Variants in PCDHA2 observed in about 807,000 individuals in gnomAD.
PCDHA2 encodes the protein protocadherin alpha-2.
Under a neutral mutation model 66.0 loss-of-function variants are expected in PCDHA2, and 58 were observed. That is an observed-to-expected ratio of 0.88 (90% CI 0.71 to 1.09). The LOEUF (loss-of-function observed/expected upper bound fraction) is 1.09. Among genes scored for constraint, PCDHA2 ranks in the 50% least tolerant of loss-of-function variants. PCDHA2 has a pLI of 0.00. For missense variants in PCDHA2, 1,267 were observed against 1,242.3 expected (o/e 1.02, Z -0.30); for synonymous variants, 634 against 554.0 (o/e 1.14, Z -2.03).
At chr5:140,836,080 T>C (rs1470495662) in intron 1 of PCDHA2, 12 of 1,613,584 alleles carry the variant, frequency 7.4e-6, no homozygotes, top group African/African-American at 1.3e-5. Context: ...CCGGCACTGC[T>C]GGCGCCTCGG....
Position 140,843,193 on chromosome 5 carries a change from G to A in PCDHA2, c.2388+45841G>A, listed in dbSNP as rs2150355040. The A allele has an allele frequency of 5.0e-6, 8 of 1,595,932 alleles. 1 individual carries two copies. The highest frequency in any genetic ancestry group is 6.9e-6 in the Non-Finnish European group (8 of 1,165,582). On this transcript the variant is annotated intron_variant, in intron 1 of 3. Transcript: ENST00000526136. ...GCAGCCCTCGCATCCCGTTCCGCGTGGGGCTGTACACGGGCGAGATCAGCA... is the reference window on the plus strand; with the variant it reads ...GCAGCCCTCGCATCCCGTTCCGCGTAGGGCTGTACACGGGCGAGATCAGCA...
At chr5:140,811,558 C>A (rs1764905109) in intron 1 of PCDHA2, 1 of 152,206 alleles carries the variant, frequency 6.6e-6, no homozygotes, top group South Asian at 2.1e-4. Context: ...AGTTCCAGAT[C>A]CTTGAGGAAT....
chr5:140,841,346 C>T, intron 1 of PCDHA2: 1 of 1,612,554 alleles, frequency 6.2e-7, no homozygotes, highest in Non-Finnish European at 8.5e-7. Context: ...GCGAGGAGAG[C>T]TGGGATCCTG....
Position 140,795,159 on chromosome 5 carries a change from G to A in PCDHA2, c.195G>A (p.Arg65=). 6.2e-7 allele frequency: 1 copy of A among 1,614,070 alleles called. No individual in the cohort carries two copies. The highest frequency in any genetic ancestry group is 8.5e-7 in the Non-Finnish European group (1 of 1,180,030). ...ELEELVPRLF[R]VASKRHGDLL... ...AGGAGCTGGTGCCGCGCCTGTTCCG[G>A]GTGGCGTCCAAAAGACACGGGGACC... is the stretch of plus-strand genomic sequence containing the variant. The change falls in exon 1 of 4, where the codon CGG becomes CGA. Residue 65 remains arginine, a synonymous_variant. Coordinates refer to ENST00000526136, the MANE Select transcript of PCDHA2 (RefSeq NM_018905.3).
chr5:140,995,883 A>C (rs892876266), intron 3 of PCDHA2, among the ~76,000 whole-genome samples: 2 of 152,232 alleles, frequency 1.3e-5, no homozygotes, highest in Admixed American at 6.5e-5. Flanking sequence ...CCTGTGCTTC[A>C]GATTTATCAA....
intron 1 of PCDHA2, chr5:140,928,995 C>T (rs1554206548): frequency 1.2e-6 from 2 of 1,613,798 alleles, no homozygotes; most frequent in Non-Finnish European, 1.7e-6. Flanking sequence ...GCTTACTTTT[C>T]TTCGTGTGTA....
At chr5:140,906,278 C>A (rs546102354) in intron 1 of PCDHA2, among the ~76,000 whole-genome samples, 1 of 152,152 alleles carries the variant, frequency 6.6e-6, no homozygotes, top group Admixed American at 6.6e-5. Flanking sequence ...AGATAATCTT[C>A]AAATTAAGAC....
intron 1 of PCDHA2, among the ~76,000 whole-genome samples, chr5:140,839,735 C>G (rs2093051778): frequency 6.6e-6 from 1 of 151,912 alleles, no homozygotes; most frequent in Admixed American, 6.6e-5. Context: ...ACAGAAAATA[C>G]CCTTATTTGC....
intron 1 of PCDHA2, chr5:140,843,131 A>C: frequency 6.3e-7 from 1 of 1,596,044 alleles, no homozygotes; most frequent in South Asian, 1.1e-5. Flanking sequence ...CTCGGGCTAC[A>C]ACGCGTGGCT....
chr5:140,849,097 A>G, intron 1 of PCDHA2: 2 of 1,481,690 alleles, frequency 1.3e-6, no homozygotes, highest in Non-Finnish European at 9.2e-7. Context: ...AAACTTTTAG[A>G]CAGAGAAGAA....
intron 1 of PCDHA2, chr5:140,863,282 A>T (rs782183211): frequency 6.8e-7 from 1 of 1,461,396 alleles, no homozygotes; most frequent in East Asian, 3.4e-5. Context: ...GTGGATGTCA[A>T]CGTGTACCTG....
intron 1 of PCDHA2, among the ~76,000 whole-genome samples, chr5:140,800,336 G>T (rs1470267500): frequency 6.6e-6 from 1 of 152,060 alleles, no homozygotes; most frequent in African/African-American, 2.4e-5. Context: ...CAGTTGATGA[G>T]GCTATAGTTC....
chr5:140,836,951 G>GT, intron 1 of PCDHA2: 1 of 428,426 alleles, frequency 2.3e-6, no homozygotes, highest in Non-Finnish European at 4.0e-6. Context: ...AAAATCTATG[G>GT]TTTATGTTGG....
intron 1 of PCDHA2, chr5:140,883,045 A>G: frequency 1.2e-6 from 2 of 1,614,190 alleles, no homozygotes; most frequent in Non-Finnish European, 1.7e-6. Context: ...TCAATGGAAC[A>G]TTAGTGATCA....
chr5:140,991,003 A>C (rs1228444549), intron 3 of PCDHA2, among the ~76,000 whole-genome samples: 1 of 152,190 alleles, frequency 6.6e-6, no homozygotes, highest in East Asian at 1.9e-4. Flanking sequence ...ATTTATTGAG[A>C]ACTGTGATAA....
rs1423182974 is a variant in PCDHA2, at chr5:140,796,139, A to G, written c.1175A>G (p.His392Arg). 2.5e-6 allele frequency: 4 copies of G among 1,613,996 alleles called. No homozygotes were observed. Among genetic ancestry groups the G allele is most frequent in the Non-Finnish European group, 3.4e-6 (4 of 1,180,026 alleles). The change falls in exon 1 of 4, where the codon CAC (histidine) becomes CGC (arginine). Residue 392 changes from histidine to arginine, a missense_variant. By Grantham distance (29) the His-to-Arg change is conservative. Transcript: ENST00000526136. ...CATGTCACCTGCTCCCTGACGCCCC[A>G]CGTCCCTTTCAAGCTGGTGTCCACC... is the stretch of plus-strand genomic sequence containing the variant. ...NGHVTCSLTP[H>R]VPFKLVSTFK...
At chr5:140,828,955 G>C (rs1770051113) in intron 1 of PCDHA2, 1 of 1,614,090 alleles carries the variant, frequency 6.2e-7, no homozygotes, top group African/African-American at 1.3e-5. Context: ...TTGCAGCCAT[G>C]GTTATTGACC....
rs150829264 is a variant in PCDHA2 at position 140,948,791 on chromosome 5, A to G, written c.2389-30158A>G. 2.3e-3 allele frequency among the ~76,000 whole-genome samples: 342 copies of G among 151,342 alleles called. 1 individual carries two copies. Among genetic ancestry groups the G allele is most frequent in the Non-Finnish European group, 4.4e-3 (295 of 67,454 alleles). ...ATAGCCAGCTTTTGGCTTTGTTGAT[A>G]TATTTTCTATTGTTTGGTTTCTATT... On this transcript the variant is annotated intron_variant, in intron 1 of 3. Coordinates refer to ENST00000526136, the MANE Select transcript of PCDHA2 (RefSeq NM_018905.3).
intron 1 of PCDHA2, chr5:140,797,579 A>C (rs188105891): frequency 4.9e-4 from 303 of 624,532 alleles, no homozygotes; most frequent in Admixed American, 3.3e-5. Context: ...TTCCATCATT[A>C]AGTCATAAGT....
Sources: gnomAD v4.1 joint callset for allele counts (sites outside exome capture counted in the v4.1 genomes callset) on GRCh38, gnomAD v4.1.1 for gene constraint, MANE v1.5 for transcripts, NCBI Gene and HGNC (gene_info 2026-07-23, HGNC 2026-07-21) for gene names.